The following APP variants were observed in gnomAD, a reference collection of about 807,000 sequenced individuals.
The protein encoded by APP is amyloid-beta precursor protein.
APP carries 31 observed loss-of-function variants against 101.4 expected under a neutral mutation model. That is an observed-to-expected ratio of 0.31 (90% CI 0.23 to 0.41). The LOEUF is 0.41. Ranked by LOEUF, APP falls within the 10% of genes least tolerant of loss-of-function variation. The pLI is 1.00. For synonymous variants in APP, 366 were observed against 364.4 expected (o/e 1.00, Z -0.05); for missense variants, 839 against 1,003.7 (o/e 0.84, Z 2.22).
intron 17 of APP, among the ~76,000 whole-genome samples, chr21:25,885,633 C>T (rs958124958): frequency 2.6e-5 from 4 of 152,158 alleles, no homozygotes; most frequent in African/African-American, 9.7e-5. Flanking sequence ...TTCCTGAGAC[C>T]TGGACCCCTG....
At chr21:26,049,714 T>C (rs1005702674) in intron 5 of APP, among the ~76,000 whole-genome samples, 1 of 152,212 alleles carries the variant, frequency 6.6e-6, no homozygotes, top group Non-Finnish European at 1.5e-5. Flanking sequence ...GTCAAGGATG[T>C]TCAATGGAAT....
Position 25,881,009 on chromosome 21 carries a change from G to A in APP, c.*661C>T. 6.7e-6 allele frequency: 1 copy of A among 148,954 alleles called. No homozygotes were observed. 9.2% of individuals were successfully genotyped at this position (148,954 alleles called of 1,614,324 possible). A position where few individuals can be genotyped will look rare whatever the true frequency, so the allele number is the denominator to read the frequency against. On this transcript the variant is annotated 3_prime_UTR_variant, in exon 18 of 18. Coordinates refer to ENST00000346798, the MANE Select transcript of APP (RefSeq NM_000484.4). ...CTTTATCAAAGACCCAAAGATACGT[G>A]GACAAAAAAAGAAAAGCTTGAAGTC...
intron 5 of APP, among the ~76,000 whole-genome samples, chr21:26,025,735 G>C (rs2044541831): frequency 6.6e-6 from 1 of 152,192 alleles, no homozygotes; most frequent in Non-Finnish European, 1.5e-5. Context: ...TAATAACCAG[G>C]AACGGAGACA....
intron 11 of APP, among the ~76,000 whole-genome samples, chr21:25,964,333 T>A (rs1177212072): frequency 2.0e-5 from 3 of 152,238 alleles, no homozygotes; most frequent in African/African-American, 2.4e-5. Flanking sequence ...GACATCTTCC[T>A]ACTTCACAAT....
intron 13 of APP, among the ~76,000 whole-genome samples, chr21:25,931,527 A>G (rs886159152): frequency 1.3e-5 from 2 of 152,200 alleles, no homozygotes; most frequent in African/African-American, 4.8e-5. Flanking sequence ...TAAAAAAAGG[A>G]TGGAGGAGAA....
chr21:25,881,895 A>G (rs2037010867), intron 17 of APP, 124 bp from the exon 18 acceptor site: 15 of 967,866 alleles, frequency 1.5e-5, no homozygotes, highest in Non-Finnish European at 2.2e-5. Context: ...GAACACCCAT[A>G]ATTTTCTCCC....
Position 26,138,682 on chromosome 21 carries a change from T to C in APP, c.58-26536A>G, listed in dbSNP as rs372076005. 8.0e-5 allele frequency among the ~76,000 whole-genome samples: 12 copies of C among 150,426 alleles called. No individual in the cohort carries two copies. In the East Asian group the frequency reaches 2.3e-3, roughly 29 times the overall value. On this transcript the variant is annotated intron_variant, in intron 1 of 17. Transcript: ENST00000346798. Reference sequence around the variant, plus strand: ...CACTCCATCCTGGGTGACAGAGAGATAGCCTGTCTCAGAAAACAAAACAAA... The same window carrying C: ...CACTCCATCCTGGGTGACAGAGAGACAGCCTGTCTCAGAAAACAAAACAAA...
chr21:26,062,226 A>ACACACAC (rs1555861786), intron 3 of APP, among the ~76,000 whole-genome samples: 2 of 86,386 alleles, frequency 2.3e-5, no homozygotes, highest in African/African-American at 3.5e-5. Flanking sequence ...CAAACAAACA[A>ACACACAC]ACAAACACAC....
At chr21:26,013,502 C>A (rs2043912837) in intron 6 of APP, among the ~76,000 whole-genome samples, 1 of 145,764 alleles carries the variant, frequency 6.9e-6, no homozygotes, top group African/African-American at 2.6e-5. Flanking sequence ...TTTAAAGCAA[C>A]TGATTTGGGG....
At chr21:26,077,698 T>C (rs868463790) in intron 3 of APP, among the ~76,000 whole-genome samples, 1 of 151,588 alleles carries the variant, frequency 6.6e-6, no homozygotes, top group Non-Finnish European at 1.5e-5. Flanking sequence ...CTCCAGACGG[T>C]TGCACAGCTG....
At chr21:26,094,099 A>T (rs952475397) in intron 2 of APP, among the ~76,000 whole-genome samples, 15 of 149,438 alleles carry the variant, frequency 1.0e-4, no homozygotes, top group Non-Finnish European at 2.2e-4. Flanking sequence ...CTGGTGACAG[A>T]GCGAGACTCG....
intron 13 of APP, chr21:25,942,191 G>A (rs1466043449): frequency 2.0e-5 from 3 of 152,068 alleles, no homozygotes; most frequent in Admixed American, 2.0e-4. Context: ...GCTAAAAGAG[G>A]GACATTTCTT....
chr21:26,048,171 A>C (rs1308069761), intron 5 of APP, among the ~76,000 whole-genome samples: 1 of 151,996 alleles, frequency 6.6e-6, no homozygotes, highest in African/African-American at 2.4e-5. Flanking sequence ...AAAAAAAAAA[A>C]AATTAGCTGG....
intron 8 of APP, among the ~76,000 whole-genome samples, chr21:25,992,927 A>G (rs1287957222): frequency 6.6e-6 from 1 of 152,220 alleles, no homozygotes; most frequent in Admixed American, 6.5e-5. Context: ...GAAAAGAACA[A>G]GAATAGTGTG....
At chr21:26,106,353 A>G (rs922113874) in intron 2 of APP, among the ~76,000 whole-genome samples, 1 of 152,156 alleles carries the variant, frequency 6.6e-6, no homozygotes, top group African/African-American at 2.4e-5. Context: ...TCAGTGGGAG[A>G]AAATATTCTC....
At chr21:25,928,412 G>A (rs555816444) in intron 13 of APP, among the ~76,000 whole-genome samples, 14 of 152,168 alleles carry the variant, frequency 9.2e-5, no homozygotes, top group African/African-American at 3.4e-4. Flanking sequence ...ATCTCTGAAA[G>A]ATGCTGTATT....
At chr21:25,958,995 C>T (rs2041455975) in intron 11 of APP, among the ~76,000 whole-genome samples, 1 of 104,900 alleles carries the variant, frequency 9.5e-6, no homozygotes, top group African/African-American at 3.8e-5. Flanking sequence ...AATGGTTACA[C>T]AGCTAGTTAG....
At chr21:25,885,591 A>C (rs564050335) in intron 17 of APP, among the ~76,000 whole-genome samples, 1 of 152,218 alleles carries the variant, frequency 6.6e-6, no homozygotes, top group East Asian at 1.9e-4. Flanking sequence ...AAATGATCTG[A>C]GGTCTTCATG....
chr21:26,062,637 G>C (rs2046315205), intron 3 of APP, among the ~76,000 whole-genome samples: 1 of 147,200 alleles, frequency 6.8e-6, no homozygotes, highest in Admixed American at 6.8e-5. Flanking sequence ...ACTCCAGCCT[G>C]GGTGACAGAG....
Sources: gnomAD v4.1 joint callset for allele counts (sites outside exome capture counted in the v4.1 genomes callset) on GRCh38, gnomAD v4.1.1 for gene constraint, MANE v1.5 for transcripts, NCBI Gene and HGNC (gene_info 2026-07-23, HGNC 2026-07-21) for gene names.